MTCL1: variants seen among roughly 807,000 people sequenced by gnomAD.
MTCL1 encodes the protein microtubule cross-linking factor 1.
A neutral mutation model predicts 141.4 loss-of-function variants in MTCL1; 79 were observed. That is an observed-to-expected ratio of 0.56 (90% confidence interval 0.47 to 0.67). The LOEUF is 0.67. MTCL1 is among the 30% of genes least tolerant of loss of function. The pLI, the probability that MTCL1 is intolerant of heterozygous loss-of-function variation, is 0.00. For synonymous variants in MTCL1, 914 were observed against 875.8 expected, an observed-to-expected ratio of 1.04 and a Z score of -0.77; for missense variants, 2,177 against 2,113.9, an observed-to-expected ratio of 1.03 and a Z score of -0.59.
intron 4 of MTCL1, among the ~76,000 whole-genome samples, chr18:8,774,254 A>ATGTGTGTGTGTG (rs138724389): frequency 0.19 from 29,223 of 149,948 alleles, 2,945 homozygotes; most frequent in East Asian, 0.33. Flanking sequence ...CTCTTTTCGA[A>ATGTGTGTGTGTG]TGTGTGTGTG....
exon 17 of MTCL1, chr18:8,831,723 G>GC (rs777620621): frequency 3.2e-6 from 5 of 1,550,444 alleles, no homozygotes; most frequent in Non-Finnish European, 4.4e-6. Context: ...CTGCCTCACA[G>GC]CCTCAGTCAC....
Position 8,796,217 on chromosome 18 carries a change from C to G in MTCL1, c.2011-15C>G. ...ATTAGCTGCTTGTCACACTGTCTCT[C>G]TTATTCCATTCAAGATGGAGGAGGA... is the stretch of plus-strand genomic sequence containing the variant. On this transcript the variant is annotated splice_polypyrimidine_tract_variant and intron_variant, in intron 8 of 16. Coordinates refer to ENST00000359865, the Ensembl canonical transcript of MTCL1. 1 of 1,613,544 alleles carries G rather than the reference C, an allele frequency of 6.2e-7. No homozygotes were observed. The highest frequency in any genetic ancestry group is 8.5e-7 in the Non-Finnish European group (1 of 1,179,564).
At position 8,756,469 on chromosome 18, in the gene MTCL1, ATG is replaced by A. The variant is rs1216313285; in HGVS notation, c.358-21358_358-21357del. 4.3e-5 allele frequency among the ~76,000 whole-genome samples: 6 copies of A among 139,752 alleles called. No individual in the cohort carries two copies. The East Asian group carries it at 7.5e-4, about 17-fold the overall frequency. 91.7% of individuals were successfully genotyped at this position (139,752 alleles called of 152,430 possible). A position where few individuals can be genotyped will look rare whatever the true frequency, so the allele number is the denominator to read the frequency against. The stretch of plus-strand genomic sequence containing the variant: ...TGTATATATGTGTATATATGTGTAT[ATG>A]TGTGTATATGTGTGTATATATGTAT... On this transcript the variant is annotated intron_variant, in intron 4 of 16. Coordinates refer to ENST00000359865, the Ensembl canonical transcript of MTCL1.
At chr18:8,709,769 T>A (rs190673814) in intron 1 of MTCL1, among the ~76,000 whole-genome samples, 1 of 152,344 alleles carries the variant, frequency 6.6e-6, no homozygotes, top group Admixed American at 6.5e-5. Flanking sequence ...CTTAGGAGGA[T>A]ATTCTTCGGA....
At chr18:8,746,280 C>T (rs1211453557) in intron 4 of MTCL1, among the ~76,000 whole-genome samples, 2 of 152,154 alleles carry the variant, frequency 1.3e-5, no homozygotes, top group African/African-American at 2.4e-5. Flanking sequence ...TCAGATGATA[C>T]CTCTACTTTG....
upstream of MTCL1, among the ~76,000 whole-genome samples, chr18:8,715,388 G>T (rs551205816): frequency 2.3e-4 from 35 of 152,120 alleles, no homozygotes; most frequent in Non-Finnish European, 4.6e-4. Flanking sequence ...ATAATCCCAG[G>T]CATTAATGAC....
intron 4 of MTCL1, among the ~76,000 whole-genome samples, chr18:8,759,656 C>A (rs668711): frequency 6.6e-6 from 1 of 152,032 alleles, no homozygotes; most frequent in Non-Finnish European, 1.5e-5. Context: ...AGGGAGTTGC[C>A]CTTCCAAGCC....
chr18:8,831,683 C>T, exon 17 of MTCL1: 1 of 1,550,642 alleles, frequency 6.4e-7, no homozygotes, highest in Non-Finnish European at 8.7e-7. Flanking sequence ...AACCGTCGCC[C>T]TCCGTCCCGT....
At chr18:8,803,511 A>C (rs2076192291) in intron 10 of MTCL1, among the ~76,000 whole-genome samples, 1 of 152,228 alleles carries the variant, frequency 6.6e-6, no homozygotes, top group African/African-American at 2.4e-5. Flanking sequence ...AATCATGCCT[A>C]TCTACGGCCC....
rs149983879 is a variant in MTCL1 at position 8,824,768 on chromosome 18, G to C, written c.3258G>C (p.Lys1086Asn). The C allele has an allele frequency of 2.7e-4, 428 of 1,614,026 alleles. No homozygotes were observed. Among genetic ancestry groups the C allele is most frequent in the Non-Finnish European group, 3.4e-4 (402 of 1,180,024 alleles). Reference sequence around the variant, plus strand: ...ACATCTCCCCCTTCCTGCCTGAGAAGGGCCTGCCGTCCACCAGCAGCAAGG... The same window carrying C: ...ACATCTCCCCCTTCCTGCCTGAGAACGGCCTGCCGTCCACCAGCAGCAAGG... Residue 1086 changes from lysine to asparagine, a missense_variant, in exon 15 of 17, where the codon AAG becomes AAC. Physicochemically the swap from Lys to Asn is moderately conservative, Grantham distance 94. Transcript: ENST00000359865.
intron 4 of MTCL1, among the ~76,000 whole-genome samples, chr18:8,773,528 G>T (rs1191028625): frequency 1.3e-5 from 2 of 152,074 alleles, no homozygotes; most frequent in Non-Finnish European, 2.9e-5. Flanking sequence ...ACTATAAGTG[G>T]TTTCTTTTGA....
chr18:8,724,908 G>A (rs576603606), intron 4 of MTCL1, among the ~76,000 whole-genome samples: 167 of 151,708 alleles, frequency 1.1e-3, no homozygotes, highest in Non-Finnish European at 2.1e-3. Flanking sequence ...CACTCTTGGA[G>A]TCTGTGACCC....
At chr18:8,831,729 G>A (rs2077198214) in exon 17 of MTCL1, 1 of 1,550,452 alleles carries the variant, frequency 6.4e-7, no homozygotes, top group Non-Finnish European at 8.7e-7. Flanking sequence ...CACAGCCTCA[G>A]TCACCCGGAG....
chr18:8,808,488 A>G (rs1206667025), intron 11 of MTCL1, among the ~76,000 whole-genome samples: 1 of 152,190 alleles, frequency 6.6e-6, no homozygotes, highest in Non-Finnish European at 1.5e-5. Context: ...CCAAAAAATA[A>G]AGCTAGAACT....
At chr18:8,818,941 T>C (rs2076750862) in intron 12 of MTCL1, 22 bp from the exon 12 acceptor site, 1 of 1,592,992 alleles carries the variant, frequency 6.3e-7, no homozygotes. Context: ...GGCTAATTAT[T>C]TTCATTTTTA....
exon 6 of MTCL1, chr18:8,784,245 G>T (rs576976861): frequency 1.2e-6 from 2 of 1,608,050 alleles, no homozygotes; most frequent in African/African-American, 1.3e-5. Flanking sequence ...CTGGGGCTGC[G>T]TGCCCCCAGT....
intron 4 of MTCL1, among the ~76,000 whole-genome samples, chr18:8,770,048 A>C (rs1245567424): frequency 1.3e-5 from 2 of 152,162 alleles, no homozygotes; most frequent in African/African-American, 4.8e-5. Context: ...AAAAATTGGC[A>C]ATTTGGGGCT....
At chr18:8,752,406 C>G (rs879850327) in intron 4 of MTCL1, among the ~76,000 whole-genome samples, 17 of 152,100 alleles carry the variant, frequency 1.1e-4, no homozygotes, top group Admixed American at 6.5e-4. Context: ...ACTTTTAAAT[C>G]GAATTTTTTT....
rs897615225 is a variant in MTCL1 at position 8,779,033 on chromosome 18, C to T, written c.417+1141C>T. Among the ~76,000 whole-genome samples the T allele has an allele frequency of 1.3e-5, 2 of 152,210 alleles. No individual in the cohort carries two copies. Among genetic ancestry groups the T allele is most frequent in the African/African-American group, 4.8e-5 (2 of 41,458 alleles). On this transcript the variant is annotated intron_variant, in intron 5 of 16. Transcript: ENST00000359865. This position sits in a 1 kb window ranked among gnomAD's most constrained non-coding sequence, Gnocchi z 4.1. ...TATTGAGGAAGGAGTTTCTGTTCAGCAGAATGGTGGAATGGAGCGCCCTGG... is the reference window on the plus strand; with the variant it reads ...TATTGAGGAAGGAGTTTCTGTTCAGTAGAATGGTGGAATGGAGCGCCCTGG...
Sources: gnomAD v4.1 joint callset for allele counts (sites outside exome capture counted in the v4.1 genomes callset) on GRCh38, gnomAD v4.1.1 for gene constraint, Gnocchi (gnomAD v3.1) non-coding constraint, MANE v1.5 for transcripts, NCBI Gene and HGNC (gene_info 2026-07-23, HGNC 2026-07-21) for gene names.